The following PCDHGA10 variants were observed in gnomAD, a reference collection of about 807,000 sequenced individuals.
PCDHGA10 encodes the protein protocadherin gamma-A10.
A neutral mutation model predicts 59.5 loss-of-function variants in PCDHGA10; 42 were observed. The ratio of observed to expected loss-of-function variants is 0.71; its 90% CI spans 0.55 to 0.91. The LOEUF (loss-of-function observed/expected upper bound fraction) is 0.91, where lower values mean the gene tolerates loss of function less well. Among genes scored for constraint, PCDHGA10 ranks in the 40% least tolerant of loss-of-function variants. PCDHGA10 has a pLI of 0.00. For synonymous variants in PCDHGA10, 511 were observed against 517.2 expected (o/e 0.99, Z 0.16); for missense variants, 1,111 against 1,198.2 (o/e 0.93, Z 1.07).
At chr5:141,437,047 G>C (rs2097860477) in intron 1 of PCDHGA10, among the ~76,000 whole-genome samples, 1 of 152,214 alleles carries the variant, frequency 6.6e-6, no homozygotes, top group Admixed American at 6.5e-5. Context: ...AAACCAGAAG[G>C]CTGGTGATCA....
Position 141,485,932 on chromosome 5 carries a change from G to A in PCDHGA10, c.2437-8875G>A. ...CCAGCTACAGGATTAGTGTGTTGGA[G>A]AGCGCACCAGCGGGCATGGTGCTCA... On this transcript the variant is annotated intron_variant, in intron 1 of 3. Transcript: ENST00000398610. The surrounding 1 kb of genome is among the most constrained non-coding windows in gnomAD (Gnocchi z 5.7). The A allele has an allele frequency of 6.2e-7, 1 of 1,614,184 alleles. No homozygotes were observed. The highest frequency in any genetic ancestry group is 8.5e-7 in the Non-Finnish European group (1 of 1,180,042).
chr5:141,458,408 C>T (rs895785923), intron 1 of PCDHGA10, among the ~76,000 whole-genome samples: 3 of 151,932 alleles, frequency 2.0e-5, no homozygotes, highest in Non-Finnish European at 2.9e-5. Context: ...AGAGACGGAG[C>T]GGGGGTTCCA....
At chr5:141,450,817 A>T (rs1302552522) in intron 1 of PCDHGA10, among the ~76,000 whole-genome samples, 1 of 137,468 alleles carries the variant, frequency 7.3e-6, no homozygotes, top group Non-Finnish European at 1.5e-5. Context: ...TTTATTTAAT[A>T]TTATTATTAT....
chr5:141,430,882 A>G, intron 1 of PCDHGA10: 3 of 1,601,068 alleles, frequency 1.9e-6, no homozygotes, highest in Non-Finnish European at 2.6e-6. Context: ...AGCTGGAGAA[A>G]GGCTCTAGGG....
At chr5:141,422,926 GC>G in intron 1 of PCDHGA10, 1 of 1,614,230 alleles carries the variant, frequency 6.2e-7, no homozygotes, top group Non-Finnish European at 8.5e-7. Flanking sequence ...CCTGTACCCT[GC>G]CCTCCCCACA....
rs1025985501 is a variant in PCDHGA10 at position 141,432,385 on chromosome 5, C to G, written c.2436+16774C>G. 2.5e-6 allele frequency: 4 copies of G among 1,614,138 alleles called. No homozygotes were observed. In the African/African-American group the frequency reaches 5.3e-5, roughly 22 times the overall value. Reference sequence around the variant, plus strand: ...CGCGGGACAACGGGCACCCGCCCCTCAGCAGCAACGTGTCGTTGAGCCTGT... The same window carrying G: ...CGCGGGACAACGGGCACCCGCCCCTGAGCAGCAACGTGTCGTTGAGCCTGT... On this transcript the variant is annotated intron_variant, in intron 1 of 3. Transcript: ENST00000398610. The surrounding 1 kb of genome is among the most constrained non-coding windows in gnomAD (Gnocchi z 6.0).
intron 1 of PCDHGA10, among the ~76,000 whole-genome samples, chr5:141,472,445 C>T (rs2099280467): frequency 6.6e-6 from 1 of 151,956 alleles, no homozygotes; most frequent in Non-Finnish European, 1.5e-5. Flanking sequence ...GAGGCTGAGG[C>T]AGGAGAATCG....
intron 1 of PCDHGA10, chr5:141,420,156 AT>A (rs755916873): frequency 6.2e-7 from 1 of 1,613,990 alleles, no homozygotes; most frequent in African/African-American, 1.3e-5. Flanking sequence ...CCAGAATTTA[AT>A]TTTTTCACAT....
At chr5:141,472,369 G>A (rs1194465676) in intron 1 of PCDHGA10, among the ~76,000 whole-genome samples, 2 of 151,770 alleles carry the variant, frequency 1.3e-5, no homozygotes, top group Admixed American at 6.6e-5. Flanking sequence ...GTGAAACCCC[G>A]TCTCCACTAA....
chr5:141,433,001 G>A (rs1361701281), intron 1 of PCDHGA10: 39 of 1,614,156 alleles, frequency 2.4e-5, no homozygotes, highest in Non-Finnish European at 3.1e-5. Context: ...CGGGGTGCAG[G>A]CTTTCCTGCA....
chr5:141,504,161 T>C (rs931754061), intron 2 of PCDHGA10, among the ~76,000 whole-genome samples: 1 of 152,196 alleles, frequency 6.6e-6, no homozygotes, highest in Non-Finnish European at 1.5e-5. Context: ...AATAATTTCA[T>C]CCTTGGAAAT....
At chr5:141,430,877 G>A (rs1392342627) in intron 1 of PCDHGA10, 5 of 1,600,678 alleles carry the variant, frequency 3.1e-6, no homozygotes, top group African/African-American at 2.7e-5. Context: ...GGAAGAGCTG[G>A]AGAAAGGCTC....
chr5:141,465,251 A>T (rs1436627558), intron 1 of PCDHGA10, among the ~76,000 whole-genome samples: 1 of 152,214 alleles, frequency 6.6e-6, no homozygotes, highest in Non-Finnish European at 1.5e-5. Flanking sequence ...GCACTTTTGT[A>T]AGCAATGATA....
intron 1 of PCDHGA10, chr5:141,421,617 C>A (rs781622911): frequency 6.2e-7 from 1 of 1,613,768 alleles, no homozygotes; most frequent in South Asian, 1.1e-5. Flanking sequence ...TTAATGATAA[C>A]GCCCCCAGCT....
chr5:141,432,049 G>T lies in PCDHGA10; in HGVS notation c.2436+16438G>T. The T allele has an allele frequency of 7.4e-6, 12 of 1,614,150 alleles. No individual in the cohort carries two copies. Among genetic ancestry groups the T allele is most frequent in the Non-Finnish European group, 1.0e-5 (12 of 1,180,028 alleles). Reference sequence around the variant, plus strand: ...TGACCGCCACTGACCGGGGAACCCCGCCCCTATCCACGGAAACTCATATCT... The same window carrying T: ...TGACCGCCACTGACCGGGGAACCCCTCCCCTATCCACGGAAACTCATATCT... On this transcript the variant is annotated intron_variant, in intron 1 of 3. Coordinates refer to ENST00000398610, the MANE Select transcript of PCDHGA10 (RefSeq NM_018913.3). The surrounding 1 kb of genome is among the most constrained non-coding windows in gnomAD (Gnocchi z 6.0).
chr5:141,477,582 A>G lies in PCDHGA10; in HGVS notation c.2437-17225A>G. On this transcript the variant is annotated intron_variant, in intron 1 of 3. Transcript: ENST00000398610. This position sits in a 1 kb window ranked among gnomAD's most constrained non-coding sequence, Gnocchi z 4.9. Reference sequence around the variant, plus strand: ...GTCTGGGACCCCGACGCCCCGCAGAATGCTCGGCTTTCTTTCTTTCTCTTG... The same window carrying G: ...GTCTGGGACCCCGACGCCCCGCAGAGTGCTCGGCTTTCTTTCTTTCTCTTG... The G allele has an allele frequency of 6.2e-7, 1 of 1,614,190 alleles. No homozygotes were observed.
intron 1 of PCDHGA10, among the ~76,000 whole-genome samples, chr5:141,448,813 C>T (rs1020956433): frequency 2.0e-5 from 3 of 151,800 alleles, no homozygotes; most frequent in Admixed American, 1.3e-4. Context: ...GGCGTGATGG[C>T]GGGCGCCTGT....
intron 1 of PCDHGA10, among the ~76,000 whole-genome samples, chr5:141,455,138 TTAAA>T (rs1193499111): frequency 1.3e-5 from 2 of 151,028 alleles, no homozygotes; most frequent in Admixed American, 1.3e-4. Context: ...TTACACTGTG[TTAAA>T]TAAATATTAG....
chr5:141,476,225 A>G lies in PCDHGA10; in HGVS notation c.2437-18582A>G, dbSNP rs1414835001. ...GGCTTCCACGGTCATTCACTATGAG[A>G]TCCCGGAGGAAAGAGAGAAGGGTTT... On this transcript the variant is annotated intron_variant, in intron 1 of 3. Transcript: ENST00000398610. This position sits in a 1 kb window ranked among gnomAD's most constrained non-coding sequence, Gnocchi z 7.6. 3 of 1,613,882 alleles carry G rather than the reference A, an allele frequency of 1.9e-6. No homozygotes were observed. The highest frequency in any genetic ancestry group is 2.5e-6 in the Non-Finnish European group (3 of 1,180,012).
Sources: gnomAD v4.1 joint callset for allele counts (sites outside exome capture counted in the v4.1 genomes callset) on GRCh38, gnomAD v4.1.1 for gene constraint, Gnocchi (gnomAD v3.1) non-coding constraint, MANE v1.5 for transcripts, NCBI Gene and HGNC (gene_info 2026-07-23, HGNC 2026-07-21) for gene names.